Variants in PHC3 observed in about 807,000 individuals in gnomAD.
The protein encoded by PHC3 is polyhomeotic homolog 3, also known as polyhomeotic-like protein 3.
PHC3 carries 13 observed loss-of-function variants against 107.4 expected under a neutral mutation model. The observed-to-expected ratio is 0.12, with a 90% CI of 0.08 to 0.19. The LOEUF is 0.19. Ranked by LOEUF, PHC3 falls within the 10% of genes least tolerant of loss-of-function variation. The pLI is 1.00. For synonymous variants in PHC3, 456 were observed against 427.4 expected, an observed-to-expected ratio of 1.07 and a Z score of -0.83; for missense variants, 992 against 1,210.9, an observed-to-expected ratio of 0.82 and a Z score of 2.68.
At chr3:170,176,415 G>C (rs1326672902) in intron 2 of PHC3, among the ~76,000 whole-genome samples, 1 of 152,096 alleles carries the variant, frequency 6.6e-6, no homozygotes, top group Non-Finnish European at 1.5e-5. Flanking sequence ...TTATACTGGG[G>C]TATCCACCAT....
Position 170,102,577 on chromosome 3 carries a change from C to T in PHC3, c.2735G>A (p.Arg912Gln). 6.2e-7 allele frequency: 1 copy of T among 1,613,902 alleles called. No homozygotes were observed. Residue 912 changes from arginine (R) to glutamine (Q), a missense_variant, in exon 14 of 15, where the codon CGG becomes CAG. Arg to Gln is a conservative substitution (Grantham distance 43, BLOSUM62 1). Transcript: ENST00000495893. ...CAAGTCACTGTTCTCAGGCATTTTC[C>T]GAATTCTCACATCCCGAAGCTCACG... The part of the protein sequence containing the change: ...RERELRDVRI[R>Q]KMPENSDLLP...
At chr3:170,181,576 C>T in intron 1 of PHC3, 126 bp downstream of exon 1, 6 of 1,383,512 alleles carry the variant, frequency 4.3e-6, no homozygotes, top group Non-Finnish European at 6.1e-6. Flanking sequence ...CACGATAGGA[C>T]GGGTCTCGAG....
At chr3:170,098,613 AAAC>A (rs1380436130) in intron 14 of PHC3, among the ~76,000 whole-genome samples, 3 of 151,974 alleles carry the variant, frequency 2.0e-5, no homozygotes, top group Non-Finnish European at 4.4e-5. Context: ...AATACACAAT[AAAC>A]AAAAATATAA....
intron 4 of PHC3, among the ~76,000 whole-genome samples, chr3:170,153,666 G>A (rs1726394396): frequency 1.3e-5 from 2 of 151,880 alleles, no homozygotes; most frequent in Non-Finnish European, 2.9e-5. Context: ...GGGAGGCTGA[G>A]GCAGGAGAAT....
At chr3:170,169,553 T>C (rs1218979097) in intron 4 of PHC3, among the ~76,000 whole-genome samples, 2 of 152,234 alleles carry the variant, frequency 1.3e-5, no homozygotes, top group Admixed American at 1.3e-4. Context: ...AATCTGTTCT[T>C]CCTACTTACT....
At chr3:170,143,215 A>G (rs969806133) in intron 6 of PHC3, among the ~76,000 whole-genome samples, 69 of 152,318 alleles carry the variant, frequency 4.5e-4, no homozygotes, top group African/African-American at 1.6e-3. Flanking sequence ...CAATTAATTT[A>G]AAAAGATGAT....
At chr3:170,147,795 C>T (rs1577159407) in intron 5 of PHC3, 1 of 152,100 alleles carries the variant, frequency 6.6e-6, no homozygotes, top group South Asian at 2.1e-4. Context: ...AGGTAATTTC[C>T]AGTACCAACA....
intron 6 of PHC3, among the ~76,000 whole-genome samples, chr3:170,143,862 A>G (rs758617971): frequency 6.4e-4 from 97 of 152,258 alleles, no homozygotes; most frequent in Non-Finnish European, 1.0e-3. Flanking sequence ...TTTCTACCCC[A>G]GATACCACTA....
At chr3:170,163,674 C>T (rs1339919259) in intron 4 of PHC3, among the ~76,000 whole-genome samples, 1 of 151,604 alleles carries the variant, frequency 6.6e-6, no homozygotes, top group South Asian at 2.1e-4. Context: ...ACCAGCCTGG[C>T]CAACATGGTG....
intron 11 of PHC3, among the ~76,000 whole-genome samples, chr3:170,110,692 C>T (rs967804527): frequency 6.6e-6 from 1 of 152,102 alleles, no homozygotes; most frequent in African/African-American, 2.4e-5. Context: ...TATTTTACTT[C>T]TTTATGTATG....
At chr3:170,155,811 AACACAC>A (rs1472822767) in intron 4 of PHC3, among the ~76,000 whole-genome samples, 2 of 152,100 alleles carry the variant, frequency 1.3e-5, no homozygotes, top group Non-Finnish European at 2.9e-5. Flanking sequence ...TCAATATAGA[AACACAC>A]ACACACCCAT....
At chr3:170,106,737 C>A in intron 12 of PHC3, 95 bp downstream of exon 12, 1 of 628,070 alleles carries the variant, frequency 1.6e-6, no homozygotes. Context: ...ATTAAAATAT[C>A]TATAGTTATC....
chr3:170,128,272 T>A lies in PHC3; in HGVS notation c.1788+412A>T, dbSNP rs1403183595. The A allele has an allele frequency of 3.7e-5, 36 of 983,874 alleles. No individual in the cohort carries two copies. The East Asian group carries it at 2.3e-3, about 63-fold the overall frequency. The allele number at this position is 983,874 out of a possible 1,614,324, so 60.9% of individuals were successfully genotyped here. A position where few individuals can be genotyped will look rare whatever the true frequency, so the allele number is the denominator to read the frequency against. On this transcript the variant is annotated intron_variant, in intron 8 of 14. Coordinates refer to ENST00000495893, the MANE Select transcript of PHC3 (RefSeq NM_024947.4). ...CTAGGATGCATAAAACTAAAAGGGT[T>A]AGGCTAGATAAACCATACGTTTTGA...
chr3:170,156,260 ATT>A (rs892860977), intron 4 of PHC3, among the ~76,000 whole-genome samples: 1 of 147,848 alleles, frequency 6.8e-6, no homozygotes, highest in Admixed American at 6.7e-5. Flanking sequence ...CCTATGCAGA[ATT>A]TTTTTTTTTC....
At chr3:170,115,419 T>G (rs943090795) in intron 10 of PHC3, among the ~76,000 whole-genome samples, 9 of 152,218 alleles carry the variant, frequency 5.9e-5, no homozygotes, top group Middle Eastern at 6.8e-3. Flanking sequence ...ACAGTATGTA[T>G]ATGTACATAT....
At chr3:170,165,099 G>C (rs191729214) in intron 4 of PHC3, among the ~76,000 whole-genome samples, 1 of 152,262 alleles carries the variant, frequency 6.6e-6, no homozygotes, top group East Asian at 1.9e-4. Context: ...TCTAGATAGA[G>C]AGGCTTCAGT....
chr3:170,166,290 T>C (rs1052126603), intron 4 of PHC3, among the ~76,000 whole-genome samples: 2 of 152,050 alleles, frequency 1.3e-5, no homozygotes, highest in African/African-American at 4.8e-5. Context: ...GTGATCTACC[T>C]ACCTCAGCCT....
chr3:170,138,597 G>A (rs555505194), intron 6 of PHC3, among the ~76,000 whole-genome samples: 1 of 149,810 alleles, frequency 6.7e-6, no homozygotes, highest in East Asian at 2.0e-4. Flanking sequence ...GGCTGAGGCA[G>A]GAGAATTGCT....
chr3:170,136,240 T>C lies in PHC3; in HGVS notation c.919+179A>G, dbSNP rs577160627. On this transcript the variant is annotated intron_variant, in intron 7 of 14. Transcript: ENST00000495893. ...ACCTATTATATTGTTACAATTTATT[T>C]TATCTTTTGGGCTTTTTTGTCTCTT... 1,908 of 676,932 alleles carry C rather than the reference T, an allele frequency of 2.8e-3. 3 individuals carry two copies. The highest frequency in any genetic ancestry group is 4.1e-3 in the Non-Finnish European group (1,740 of 428,646). 41.9% of individuals were successfully genotyped at this position (676,932 alleles called of 1,614,324 possible).
Sources: gnomAD v4.1 joint callset for allele counts (sites outside exome capture counted in the v4.1 genomes callset) on GRCh38, gnomAD v4.1.1 for gene constraint, MANE v1.5 for transcripts, NCBI Gene and HGNC (gene_info 2026-07-23, HGNC 2026-07-21) for gene names.